Variants in CPA6 observed in about 807,000 individuals in gnomAD.
CPA6 encodes the protein carboxypeptidase A6, also known as carboxypeptidase B.
A neutral mutation model predicts 63.3 loss-of-function variants in CPA6; 58 were observed. That is an observed-to-expected ratio of 0.92 (90% CI 0.74 to 1.14). The LOEUF is 1.14. Ranked by LOEUF, CPA6 falls within the 50% of genes most tolerant of loss-of-function variation. The pLI is 0.00. For synonymous variants in CPA6, 185 were observed against 179.0 expected (o/e 1.03, Z -0.27); for missense variants, 565 against 526.6 (o/e 1.07, Z -0.71).
At chr8:67,606,325 C>T (rs1401163737) in intron 2 of CPA6, among the ~76,000 whole-genome samples, 1 of 151,598 alleles carries the variant, frequency 6.6e-6, no homozygotes, top group East Asian at 1.9e-4. Flanking sequence ...AAAACATATA[C>T]CCTAAAAAGT....
At chr8:67,475,881 C>CTTTTCTTT (rs1491556290) in intron 8 of CPA6, among the ~76,000 whole-genome samples, 37 of 43,166 alleles carry the variant, frequency 8.6e-4, no homozygotes, top group African/African-American at 2.9e-3. Context: ...CTTTCTTTCT[C>CTTTTCTTT]CTTTCTTTCT....
chr8:67,575,073 G>T (rs1203754202), intron 2 of CPA6, among the ~76,000 whole-genome samples: 1 of 152,062 alleles, frequency 6.6e-6, no homozygotes, highest in Non-Finnish European at 1.5e-5. Flanking sequence ...AATGGGCAAA[G>T]AATCTGAATA....
chr8:67,687,627 A>G (rs529065094), intron 1 of CPA6, among the ~76,000 whole-genome samples: 1 of 152,254 alleles, frequency 6.6e-6, no homozygotes, highest in African/African-American at 2.4e-5. Flanking sequence ...TTTAGGAAGC[A>G]TGTATCTAAT....
At position 67,422,537 on chromosome 8, in the gene CPA6, A is replaced by G. The variant is rs775295619; in HGVS notation, c.1281T>C (p.Asn427=). Residue 427 remains asparagine (N), a synonymous_variant, in exon 11 of 11, where the codon AAT becomes AAC. Transcript: ENST00000297770. ...ATTTCTTTAGCAGGTGCATTGTGAT[A>G]TTTTTCACAGCCAGCATAGTTTCTG... ...TCTETMLAVK[N]ITMHLLKKCP The G allele has an allele frequency of 2.5e-5, 41 of 1,613,926 alleles. No individual in the cohort carries two copies. The East Asian group carries it at 8.2e-4, about 32-fold the overall frequency.
At chr8:67,740,733 C>T (rs574845789) in intron 1 of CPA6, among the ~76,000 whole-genome samples, 4 of 152,096 alleles carry the variant, frequency 2.6e-5, no homozygotes, top group Admixed American at 2.0e-4. Flanking sequence ...CCACGCCTGG[C>T]TAATTTTTGT....
At chr8:67,496,510 CTATA>C (rs1280864769) in intron 6 of CPA6, among the ~76,000 whole-genome samples, 1 of 121,778 alleles carries the variant, frequency 8.2e-6, no homozygotes, top group Admixed American at 8.7e-5. Context: ...ACCATCACCA[CTATA>C]TAGTTTATAT....
intron 2 of CPA6, among the ~76,000 whole-genome samples, chr8:67,586,016 G>A (rs1297404544): frequency 6.6e-6 from 1 of 152,108 alleles, no homozygotes; most frequent in African/African-American, 2.4e-5. Context: ...GAGTCCATAA[G>A]CAATTATAGG....
intron 1 of CPA6, among the ~76,000 whole-genome samples, chr8:67,672,476 GTCC>G (rs770227931): frequency 1.1e-4 from 16 of 152,044 alleles, no homozygotes; most frequent in Non-Finnish European, 1.9e-4. Context: ...TAACCTACAA[GTCC>G]TCCTGTCCTT....
intron 9 of CPA6, among the ~76,000 whole-genome samples, chr8:67,430,078 A>G (rs746457753): frequency 6.6e-6 from 1 of 151,726 alleles, no homozygotes; most frequent in African/African-American, 2.4e-5. Context: ...CAATTGTCAA[A>G]AAGTACCTAG....
chr8:67,648,222 A>G (rs892207976), intron 1 of CPA6, among the ~76,000 whole-genome samples: 12 of 151,220 alleles, frequency 7.9e-5, no homozygotes, highest in Non-Finnish European at 1.8e-4. Context: ...AGAATAGATG[A>G]AAGATCAGAA....
intron 2 of CPA6, chr8:67,569,320 CA>C: frequency 5.6e-6 from 1 of 177,364 alleles, no homozygotes; most frequent in Non-Finnish European, 1.2e-5. Flanking sequence ...AGTAGGATAA[CA>C]TATTCAAAGT....
At chr8:67,743,222 C>T (rs2553666) in intron 1 of CPA6, among the ~76,000 whole-genome samples, 124,691 of 152,148 alleles carry the variant, frequency 0.82, 51,308 homozygotes, top group Admixed American at 0.86. Context: ...TAAAGATCTG[C>T]CTTGTAAGTG....
intron 9 of CPA6, among the ~76,000 whole-genome samples, chr8:67,429,326 G>C (rs1308484386): frequency 2.6e-5 from 4 of 152,238 alleles, no homozygotes; most frequent in Non-Finnish European, 5.9e-5. Context: ...CAAGGAGTTA[G>C]AGAAGTATTA....
intron 1 of CPA6, among the ~76,000 whole-genome samples, chr8:67,674,885 G>A (rs1816435568): frequency 6.6e-6 from 1 of 152,286 alleles, no homozygotes; most frequent in East Asian, 1.9e-4. Flanking sequence ...CATGGATGGA[G>A]CTGGAGGCCA....
In CPA6 at chr8:67,522,692, G is replaced by A. The variant is rs147089205; in HGVS notation, c.193-4645C>T. Among the ~76,000 whole-genome samples, 160 of 152,334 alleles carry A rather than the reference G, an allele frequency of 1.1e-3. 1 individual carries two copies. The highest frequency in any genetic ancestry group is 3.2e-3 in the African/African-American group (132 of 41,580). On this transcript the variant is annotated intron_variant, in intron 2 of 10. Coordinates refer to ENST00000297770, the MANE Select transcript of CPA6 (RefSeq NM_020361.5). ...CCTGGGCGAGAGCTCTAACATCCCT[G>A]GGGCTTCACTGTTGCTGGCATCTCC... is the stretch of plus-strand genomic sequence containing the variant.
At position 67,635,264 on chromosome 8, in the gene CPA6, G is replaced by T. The variant is rs368154322; in HGVS notation, c.117-11013C>A. Among the ~76,000 whole-genome samples, 110 of 151,078 alleles carry T rather than the reference G, an allele frequency of 7.3e-4. 4 individuals carry two copies. The highest frequency in any genetic ancestry group is 3.4e-3 in the Middle Eastern group (1 of 292). On this transcript the variant is annotated intron_variant, in intron 1 of 10. Transcript: ENST00000297770. ...CACCACAAAAAACATGACACAATTT[G>T]ATTCCGAATACATTCAACCTTTTTG... is the stretch of plus-strand genomic sequence containing the variant.
chr8:67,494,107 A>G (rs955982525), intron 6 of CPA6, among the ~76,000 whole-genome samples: 3 of 152,182 alleles, frequency 2.0e-5, no homozygotes, highest in Non-Finnish European at 2.9e-5. Context: ...AAAATTACCC[A>G]TGATCCTATC....
intron 6 of CPA6, among the ~76,000 whole-genome samples, chr8:67,485,481 G>T (rs1811458380): frequency 6.6e-6 from 1 of 152,090 alleles, no homozygotes; most frequent in Admixed American, 6.6e-5. Context: ...AACATTATAT[G>T]TAAGTGAGAT....
intron 1 of CPA6, among the ~76,000 whole-genome samples, chr8:67,631,724 A>G (rs1217991442): frequency 6.6e-6 from 1 of 152,000 alleles, no homozygotes; most frequent in Non-Finnish European, 1.5e-5. Context: ...GCTGGTGCTC[A>G]CTCTTTGGGT....
Sources: allele counts gnomAD v4.1 joint callset (sites outside exome capture counted in the v4.1 genomes callset), GRCh38; gene constraint gnomAD v4.1.1; transcripts MANE v1.5; gene names NCBI Gene and HGNC (gene_info 2026-07-23, HGNC 2026-07-21).